GRIN2B: variants seen among roughly 807,000 people sequenced by gnomAD.
GRIN2B encodes the protein glutamate ionotropic receptor NMDA type subunit 2B, also known as glutamate receptor ionotropic, NMDA 2B.
In GRIN2B, 5 loss-of-function variants were observed where a neutral mutation model predicts 114.5. That is an observed-to-expected ratio of 0.04 (90% CI 0.02 to 0.09). The LOEUF (loss-of-function observed/expected upper bound fraction) is 0.09, where lower values mean the gene tolerates loss of function less well. Among genes scored for constraint, GRIN2B ranks in the 10% least tolerant of loss-of-function variants. GRIN2B has a pLI of 1.00. For missense variants in GRIN2B, 1,108 were observed against 1,943.5 expected (o/e 0.57, Z 8.08); for synonymous variants, 787 against 745.1 (o/e 1.06, Z -0.92).
At chr12:13,631,816 T>G (rs4764021) in intron 5 of GRIN2B, among the ~76,000 whole-genome samples, 2 of 152,208 alleles carry the variant, frequency 1.3e-5, no homozygotes, top group Non-Finnish European at 2.9e-5. Context: ...TAAATGGGGT[T>G]GCCAGCTTGT....
At chr12:13,766,253 A>T (rs1222659318) in intron 3 of GRIN2B, among the ~76,000 whole-genome samples, 1 of 152,248 alleles carries the variant, frequency 6.6e-6, no homozygotes, top group African/African-American at 2.4e-5. Context: ...AATATATGAA[A>T]TTATTGACGA....
intron 8 of GRIN2B, among the ~76,000 whole-genome samples, chr12:13,613,265 T>C (rs557271370): frequency 6.6e-6 from 1 of 152,218 alleles, no homozygotes; most frequent in African/African-American, 2.4e-5. Flanking sequence ...ACCACCTCTG[T>C]GGTCTTTTCC....
At position 13,977,387 on chromosome 12, in the gene GRIN2B, C is replaced by T. The variant is rs138939717; in HGVS notation, c.-19+2541G>A. The T allele has an allele frequency of 4.6e-5, 7 of 152,378 alleles. No homozygotes were observed. The South Asian group carries it at 6.2e-4, about 14-fold the overall frequency. 9.4% of individuals were successfully genotyped at this position (152,378 alleles called of 1,614,324 possible). A position where few individuals can be genotyped will look rare whatever the true frequency, so the allele number is the denominator to read the frequency against. On this transcript the variant is annotated intron_variant, in intron 2 of 13. Coordinates refer to ENST00000609686, the MANE Select transcript of GRIN2B (RefSeq NM_000834.5). Reference sequence around the variant, plus strand: ...CCACATCACTCTGTGTTCACAGATCCGCCATGCTCTGCCACACCTGAAACA... The same window carrying T: ...CCACATCACTCTGTGTTCACAGATCTGCCATGCTCTGCCACACCTGAAACA...
At chr12:13,803,555 A>AT (rs1565543197) in intron 3 of GRIN2B, among the ~76,000 whole-genome samples, 1 of 152,136 alleles carries the variant, frequency 6.6e-6, no homozygotes, top group East Asian at 1.9e-4. Flanking sequence ...CTAGAATTTC[A>AT]TTTTTTAAAA....
At chr12:13,868,103 C>T (rs1030222294) in intron 2 of GRIN2B, among the ~76,000 whole-genome samples, 10 of 152,088 alleles carry the variant, frequency 6.6e-5, no homozygotes, top group African/African-American at 1.7e-4. Flanking sequence ...TGGCAGAAAA[C>T]ATTTTGGAAC....
intron 10 of GRIN2B, among the ~76,000 whole-genome samples, chr12:13,581,573 C>T (rs562684797): frequency 6.6e-6 from 1 of 152,278 alleles, no homozygotes; most frequent in South Asian, 2.1e-4. Flanking sequence ...CCCATAAGTG[C>T]TTGGGACAGA....
At chr12:13,893,710 G>A (rs1302033333) in intron 2 of GRIN2B, among the ~76,000 whole-genome samples, 4 of 151,940 alleles carry the variant, frequency 2.6e-5, no homozygotes, top group Non-Finnish European at 5.9e-5. Flanking sequence ...ATATTTGAAA[G>A]CCATCTACTC....
chr12:13,715,149 C>G (rs1284098827), intron 4 of GRIN2B, among the ~76,000 whole-genome samples: 1 of 151,806 alleles, frequency 6.6e-6, no homozygotes, highest in African/African-American at 2.4e-5. Flanking sequence ...TGTTCGCTAA[C>G]AAGATGAAGC....
intron 3 of GRIN2B, among the ~76,000 whole-genome samples, chr12:13,832,740 G>A (rs953476014): frequency 1.1e-4 from 17 of 151,998 alleles, no homozygotes; most frequent in African/African-American, 3.4e-4. Context: ...ATTACTCACC[G>A]TGATAACTAA....
rs796634332 is a variant in GRIN2B at position 13,978,592 on chromosome 12, GA to G, written c.-19+1335del. Among the ~76,000 whole-genome samples, 548 of 151,998 alleles carry G rather than the reference GA, an allele frequency of 3.6e-3. 2 individuals are homozygous for G. The highest frequency in any genetic ancestry group is 0.013 in the African/African-American group (527 of 41,418). ...AAAGAATTGTTGTTTTAAAATGCCA[GA>G]AAAAAAAATTGTGTGTGTGTTGGGG... On this transcript the variant is annotated intron_variant, in intron 2 of 13. Coordinates refer to ENST00000609686, the MANE Select transcript of GRIN2B (RefSeq NM_000834.5).
chr12:13,874,942 AGAG>A (rs1217660316), intron 2 of GRIN2B, among the ~76,000 whole-genome samples: 13 of 152,290 alleles, frequency 8.5e-5, no homozygotes, highest in African/African-American at 3.1e-4. Flanking sequence ...AGCCTGCACT[AGAG>A]GAGATTTAAA....
intron 3 of GRIN2B, among the ~76,000 whole-genome samples, chr12:13,832,041 G>A (rs1591757009): frequency 1.3e-5 from 2 of 152,086 alleles, no homozygotes; most frequent in African/African-American, 4.8e-5. Context: ...GTTTTTGTAA[G>A]TTTATTTTTA....
At chr12:13,947,066 A>G (rs946232611) in intron 2 of GRIN2B, among the ~76,000 whole-genome samples, 4 of 152,178 alleles carry the variant, frequency 2.6e-5, no homozygotes, top group African/African-American at 7.2e-5. Context: ...AGGAAAGACT[A>G]TAGTAGGAAA....
intron 2 of GRIN2B, among the ~76,000 whole-genome samples, chr12:13,877,397 A>G (rs1866006193): frequency 6.6e-6 from 1 of 152,194 alleles, no homozygotes; most frequent in Non-Finnish European, 1.5e-5. Flanking sequence ...ATAAATTTCC[A>G]TCATTATTCC....
chr12:13,823,861 G>C (rs1864982403), intron 3 of GRIN2B, among the ~76,000 whole-genome samples: 1 of 152,100 alleles, frequency 6.6e-6, no homozygotes, highest in Admixed American at 6.5e-5. Context: ...CAACATGAAT[G>C]AGTGTTCAAT....
intron 5 of GRIN2B, among the ~76,000 whole-genome samples, chr12:13,633,873 T>C (rs567533640): frequency 2.1e-4 from 28 of 130,810 alleles, no homozygotes; most frequent in African/African-American, 7.7e-4. Flanking sequence ...TGATTCTCCC[T>C]TGGCTCAGGG....
intron 3 of GRIN2B, among the ~76,000 whole-genome samples, chr12:13,858,993 T>C (rs946703034): frequency 6.6e-6 from 1 of 152,230 alleles, no homozygotes; most frequent in African/African-American, 2.4e-5. Context: ...CTCAAGTGAT[T>C]TAGGACAAGT....
At chr12:13,951,710 A>G (rs1158722209) in intron 2 of GRIN2B, among the ~76,000 whole-genome samples, 1 of 152,088 alleles carries the variant, frequency 6.6e-6, no homozygotes, top group Admixed American at 6.5e-5. Flanking sequence ...TTACCAATTT[A>G]TCTGTTCATC....
At chr12:13,681,339 C>A (rs531978372) in intron 4 of GRIN2B, among the ~76,000 whole-genome samples, 1 of 152,244 alleles carries the variant, frequency 6.6e-6, no homozygotes, top group South Asian at 2.1e-4. Flanking sequence ...GAGAATAGGA[C>A]CCAGGTGTCC....
Sources: allele counts gnomAD v4.1 joint callset (sites outside exome capture counted in the v4.1 genomes callset), GRCh38; gene constraint gnomAD v4.1.1; transcripts MANE v1.5; gene names NCBI Gene and HGNC (gene_info 2026-07-23, HGNC 2026-07-21).